Variants in NTNG2 observed in about 807,000 individuals in gnomAD.
NTNG2 encodes netrin-G2.
In NTNG2, 15 loss-of-function variants were observed where a neutral mutation model predicts 47.6. That is an observed-to-expected ratio of 0.32 (90% CI 0.21 to 0.49). The LOEUF (loss-of-function observed/expected upper bound fraction) is 0.49, where lower values mean the gene tolerates loss of function less well. NTNG2 is among the 20% of genes least tolerant of loss of function. NTNG2 has a pLI of 0.99. For missense variants in NTNG2, 578 were observed against 764.6 expected (o/e 0.76, Z 2.88); for synonymous variants, 307 against 324.6 (o/e 0.95, Z 0.58).
chr9:132,163,175 G>A lies in NTNG2; in HGVS notation c.-484+936G>A, dbSNP rs973272216. ...TATTAATTGCTGCCGTGGCTTGCACGCAACTTTGGGAAGACGAAAAGCAGC... is the reference window on the plus strand; with the variant it reads ...TATTAATTGCTGCCGTGGCTTGCACACAACTTTGGGAAGACGAAAAGCAGC... On this transcript the variant is annotated intron_variant, in intron 1 of 7. Coordinates refer to ENST00000393229, the MANE Select transcript of NTNG2 (RefSeq NM_032536.4). This position sits in a 1 kb window ranked among gnomAD's most constrained non-coding sequence, Gnocchi z 7.2. Among the ~76,000 whole-genome samples the A allele has an allele frequency of 6.6e-6, 1 of 152,160 alleles. No individual in the cohort carries two copies. Among genetic ancestry groups the A allele is most frequent in the African/African-American group, 2.4e-5 (1 of 41,450 alleles).
rs1024886670 is a variant in NTNG2 at position 132,215,296 on chromosome 9, G to A, written c.858-11553G>A. On this transcript the variant is annotated intron_variant, in intron 3 of 7. Transcript: ENST00000393229. This position sits in a 1 kb window ranked among gnomAD's most constrained non-coding sequence, Gnocchi z 4.2. ...GGGGAAATGACTCCAAGAGGCCAGT[G>A]GGGGCCAGGCATGGTGGCTTATACC... Among the ~76,000 whole-genome samples, 1 of 152,146 alleles carries A rather than the reference G, an allele frequency of 6.6e-6. No homozygotes were observed. Among genetic ancestry groups the A allele is most frequent in the East Asian group, 1.9e-4 (1 of 5,194 alleles).
At chr9:132,203,525 G>T (rs901947963) in intron 3 of NTNG2, among the ~76,000 whole-genome samples, 2 of 152,142 alleles carry the variant, frequency 1.3e-5, no homozygotes, top group Admixed American at 6.5e-5. Flanking sequence ...TACAAAGGAA[G>T]GTGCACAGAA....
chr9:132,203,844 C>A (rs772200975), intron 3 of NTNG2, among the ~76,000 whole-genome samples: 2 of 152,170 alleles, frequency 1.3e-5, no homozygotes, highest in Non-Finnish European at 2.9e-5. Flanking sequence ...GCAAGTTCCT[C>A]TGCCCAGAAA....
At chr9:132,186,066 A>T (rs1156614861) in intron 2 of NTNG2, among the ~76,000 whole-genome samples, 1 of 152,220 alleles carries the variant, frequency 6.6e-6, no homozygotes, top group Non-Finnish European at 1.5e-5. Context: ...AGAGAAAAAT[A>T]GGGAACCTGG....
intron 3 of NTNG2, among the ~76,000 whole-genome samples, chr9:132,211,826 A>G (rs1279694445): frequency 1.3e-5 from 2 of 152,258 alleles, no homozygotes; most frequent in East Asian, 3.9e-4. Flanking sequence ...ATAGGCTCTG[A>G]GCTCCAAGGG....
intron 3 of NTNG2, among the ~76,000 whole-genome samples, chr9:132,219,977 A>T (rs1225258496): frequency 1.3e-5 from 2 of 152,142 alleles, no homozygotes; most frequent in African/African-American, 4.8e-5. Flanking sequence ...GAGGGTTCTG[A>T]TTTCTCTGCA....
Position 132,221,108 on chromosome 9 carries a change from G to A in NTNG2, c.858-5741G>A, listed in dbSNP as rs1316597224. ...CTGATCATGATGAGTTTTATGGGGA[G>A]GGAGAGTGTAGCAGGGGCTGATTTG... On this transcript the variant is annotated intron_variant, in intron 3 of 7. Transcript: ENST00000393229. The surrounding 1 kb of genome is among the most constrained non-coding windows in gnomAD (Gnocchi z 4.2). 2.0e-5 allele frequency among the ~76,000 whole-genome samples: 3 copies of A among 152,172 alleles called. No homozygotes were observed. Among genetic ancestry groups the A allele is most frequent in the Non-Finnish European group, 4.4e-5 (3 of 68,038 alleles).
rs1841610428 is a variant in NTNG2 at position 132,236,153 on chromosome 9, G to T, written c.1055-2951G>T. 1.3e-5 allele frequency among the ~76,000 whole-genome samples: 2 copies of T among 152,338 alleles called. No individual in the cohort carries two copies. Among genetic ancestry groups the T allele is most frequent in the South Asian group, 4.1e-4 (2 of 4,832 alleles). ...AGAGGGGGCTTCCTGCAGGAGCGGG[G>T]GCCATGAGACCTCGGAGGGTGGACT... On this transcript the variant is annotated intron_variant, in intron 5 of 7. Coordinates refer to ENST00000393229, the MANE Select transcript of NTNG2 (RefSeq NM_032536.4). The surrounding 1 kb of genome is among the most constrained non-coding windows in gnomAD (Gnocchi z 4.3).
intron 2 of NTNG2, among the ~76,000 whole-genome samples, chr9:132,196,343 A>C (rs1300861319): frequency 6.6e-6 from 1 of 152,070 alleles, no homozygotes; most frequent in Non-Finnish European, 1.5e-5. Context: ...GGCATGCACC[A>C]CCACGCCCGG....
Position 132,197,248 on chromosome 9 carries a change from G to A in NTNG2, c.214-718G>A. Reference sequence around the variant, plus strand: ...TACTAAAAACACAAAAATTAGCCGGGCGTGGTGGTGCATGCCTGTAATCCC... The same window carrying A: ...TACTAAAAACACAAAAATTAGCCGGACGTGGTGGTGCATGCCTGTAATCCC... On this transcript the variant is annotated intron_variant, in intron 2 of 7. Transcript: ENST00000393229. The surrounding 1 kb of genome is among the most constrained non-coding windows in gnomAD (Gnocchi z 4.3). Among the ~76,000 whole-genome samples, 1 of 152,166 alleles carries A rather than the reference G, an allele frequency of 6.6e-6. No homozygotes were observed. The highest frequency in any genetic ancestry group is 1.5e-5 in the Non-Finnish European group (1 of 68,038).
chr9:132,216,570 C>A (rs1023137403), intron 3 of NTNG2, among the ~76,000 whole-genome samples: 1 of 151,702 alleles, frequency 6.6e-6, no homozygotes, highest in African/African-American at 2.4e-5. Context: ...TGGGAGGGGT[C>A]CGCTGGCCTC....
At chr9:132,202,377 G>C (rs1309181188) in intron 3 of NTNG2, among the ~76,000 whole-genome samples, 6 of 152,148 alleles carry the variant, frequency 3.9e-5, no homozygotes, top group African/African-American at 1.4e-4. Flanking sequence ...ACAAGAGGTG[G>C]GGACAGACTG....
At chr9:132,185,107 G>A (rs947366679) in intron 2 of NTNG2, among the ~76,000 whole-genome samples, 6 of 152,100 alleles carry the variant, frequency 3.9e-5, no homozygotes, top group Admixed American at 2.0e-4. Flanking sequence ...GTCGGTGGAG[G>A]CCCCAACCAA....
At position 132,166,774 on chromosome 9, in the gene NTNG2, A is replaced by T; in HGVS notation, c.-58A>T. On this transcript the variant is annotated 5_prime_UTR_variant, in exon 2 of 8. The change abolishes the stop of an existing upstream ORF in the 5' untranslated region. Coordinates refer to ENST00000393229, the MANE Select transcript of NTNG2 (RefSeq NM_032536.4). ...ATGCTGAGGCCGCGAGTCCCGCCTGACCCCGTCGCTGCCTCTCCAGGGCTT... is the reference window on the plus strand; with the variant it reads ...ATGCTGAGGCCGCGAGTCCCGCCTGTCCCCGTCGCTGCCTCTCCAGGGCTT... 1.3e-6 allele frequency: 2 copies of T among 1,550,166 alleles called. No individual in the cohort carries two copies. The highest frequency in any genetic ancestry group is 1.8e-6 in the Non-Finnish European group (2 of 1,127,436).
chr9:132,177,553 C>T (rs1462692501), intron 2 of NTNG2, among the ~76,000 whole-genome samples: 1 of 152,192 alleles, frequency 6.6e-6, no homozygotes, highest in Non-Finnish European at 1.5e-5. Flanking sequence ...TGTTGAAGAG[C>T]CTATTCTTCC....
At chr9:132,223,370 C>T (rs924480824) in intron 3 of NTNG2, among the ~76,000 whole-genome samples, 2 of 152,074 alleles carry the variant, frequency 1.3e-5, no homozygotes, top group East Asian at 3.9e-4. Context: ...GGGACAGAGC[C>T]GAGGGAGGAG....
intron 2 of NTNG2, among the ~76,000 whole-genome samples, chr9:132,194,152 G>A (rs1838101324): frequency 6.6e-6 from 1 of 152,160 alleles, no homozygotes; most frequent in Non-Finnish European, 1.5e-5. Flanking sequence ...AAGTCCCCAG[G>A]GGCAGCAGAA....
chr9:132,214,258 G>A (rs1839813760), intron 3 of NTNG2, among the ~76,000 whole-genome samples: 2 of 152,262 alleles, frequency 1.3e-5, no homozygotes, highest in African/African-American at 4.8e-5. Context: ...CCTGGGAGGA[G>A]GGAAGGGCCC....
At chr9:132,193,773 C>T (rs114942249) in intron 2 of NTNG2, among the ~76,000 whole-genome samples, 2,491 of 152,240 alleles carry the variant, frequency 0.016, 70 homozygotes, top group African/African-American at 0.057. Context: ...CAAAGTAGCA[C>T]ACGAGACCCA....
Sources: allele counts gnomAD v4.1 joint callset (sites outside exome capture counted in the v4.1 genomes callset), GRCh38; gene constraint gnomAD v4.1.1; non-coding constraint Gnocchi (gnomAD v3.1); transcripts MANE v1.5; gene names NCBI Gene and HGNC (gene_info 2026-07-23, HGNC 2026-07-21).